ZMYND11: variants seen among roughly 807,000 people sequenced by gnomAD.
ZMYND11 encodes zinc finger MYND domain-containing protein 11.
Under a neutral mutation model 84.9 loss-of-function variants are expected in ZMYND11, and 9 were observed. That is an observed-to-expected ratio of 0.11 (90% CI 0.06 to 0.18). The LOEUF is 0.18. Among genes scored for constraint, ZMYND11 ranks in the 10% least tolerant of loss-of-function variants. ZMYND11 has a pLI of 1.00. For missense variants in ZMYND11, 409 were observed against 761.0 expected, an observed-to-expected ratio of 0.54 and a Z score of 5.44; for synonymous variants, 250 against 244.1, an observed-to-expected ratio of 1.02 and a Z score of -0.23.
At chr10:209,048 TATAGAG>T (rs1260292500) in intron 2 of ZMYND11, among the ~76,000 whole-genome samples, 1 of 151,750 alleles carries the variant, frequency 6.6e-6, no homozygotes, top group African/African-American at 2.4e-5. Flanking sequence ...TATATATATA[TATAGAG>T]AGAGAGAGAG....
chr10:245,101 CA>C lies in ZMYND11; in HGVS notation c.951-1663del, dbSNP rs537733331. On this transcript the variant is annotated intron_variant, in intron 10 of 14. Transcript: ENST00000381604. ...AATCTAATGGCAAGAAACTATTCCA[CA>C]AGCATGATTTCATGTGTACTCTGCA... 7.2e-4 allele frequency among the ~76,000 whole-genome samples: 109 copies of C among 152,296 alleles called. 1 individual carries two copies. Among genetic ancestry groups the C allele is most frequent in the African/African-American group, 2.5e-3 (102 of 41,570 alleles).
At chr10:185,326 C>G (rs1302109315) in intron 2 of ZMYND11, among the ~76,000 whole-genome samples, 3 of 151,940 alleles carry the variant, frequency 2.0e-5, no homozygotes, top group Admixed American at 2.0e-4. Flanking sequence ...TTTTGGGATA[C>G]ATAGGAGTTC....
chr10:138,190 AC>A (rs1288390285), intron 1 of ZMYND11, among the ~76,000 whole-genome samples: 1 of 140,812 alleles, frequency 7.1e-6, no homozygotes, highest in Non-Finnish European at 1.5e-5. Context: ...GCTTACTGCA[AC>A]CCCTGCCTCC....
chr10:181,241 C>T lies in ZMYND11; in HGVS notation c.116+1113C>T, dbSNP rs185890804. On this transcript the variant is annotated intron_variant, in intron 2 of 14. Coordinates refer to ENST00000381604, the MANE Select transcript of ZMYND11 (RefSeq NM_001370100.5). ...TTTACAAAACTCACTTAAATAAATG[C>T]TTTTTTTGGCCTTTATTAATAAGTA... 2.2e-3 allele frequency among the ~76,000 whole-genome samples: 337 copies of T among 152,186 alleles called. 1 individual carries two copies. The highest frequency in any genetic ancestry group is 3.6e-3 in the Non-Finnish European group (248 of 68,002).
chr10:244,715 T>G (rs1320243054), intron 10 of ZMYND11: 1 of 152,256 alleles, frequency 6.6e-6, no homozygotes, highest in African/African-American at 2.4e-5. Flanking sequence ...ATTAGACTAT[T>G]CCTCTTGTTA....
intron 1 of ZMYND11, among the ~76,000 whole-genome samples, chr10:145,486 G>C (rs569715454): frequency 1.3e-5 from 2 of 152,220 alleles, no homozygotes; most frequent in South Asian, 4.1e-4. Context: ...GTTTTCTGTA[G>C]AGGTTGTACT....
chr10:199,768 T>G (rs893945127), intron 2 of ZMYND11, among the ~76,000 whole-genome samples: 1 of 152,220 alleles, frequency 6.6e-6, no homozygotes, highest in African/African-American at 2.4e-5. Flanking sequence ...TTTTATTAAC[T>G]GCATAGTATT....
At position 140,793 on chromosome 10, in the gene ZMYND11, A is replaced by G. The variant is rs1006160622; in HGVS notation, c.-20+5234A>G. 2.0e-5 allele frequency among the ~76,000 whole-genome samples: 3 copies of G among 152,234 alleles called. 1 individual carries two copies. In the South Asian group the frequency reaches 6.2e-4, roughly 31 times the overall value. ...TGCACATACTTAAGCTATTCACACT[A>G]TTAGGTAATTGTGAAGTTACAGTTG... On this transcript the variant is annotated intron_variant, in intron 1 of 14. Transcript: ENST00000381604.
At chr10:152,801 C>T (rs537842632) in intron 1 of ZMYND11, among the ~76,000 whole-genome samples, 1 of 152,338 alleles carries the variant, frequency 6.6e-6, no homozygotes, top group East Asian at 1.9e-4. Context: ...AAATTGACCA[C>T]ATAGTTGGAA....
chr10:199,275 T>C (rs1942529703), intron 2 of ZMYND11, among the ~76,000 whole-genome samples: 1 of 119,802 alleles, frequency 8.3e-6, no homozygotes, highest in African/African-American at 3.2e-5. Context: ...CCATTCCCCT[T>C]CCCATCCCTC....
intron 2 of ZMYND11, among the ~76,000 whole-genome samples, chr10:188,458 T>C (rs1042767233): frequency 6.6e-6 from 1 of 150,910 alleles, no homozygotes; most frequent in Non-Finnish European, 1.5e-5. Context: ...CCGGGTGTGG[T>C]GGTGTATGCC....
At chr10:139,671 C>G (rs538884260) in intron 1 of ZMYND11, among the ~76,000 whole-genome samples, 1 of 149,712 alleles carries the variant, frequency 6.7e-6, no homozygotes, top group African/African-American at 2.5e-5. Context: ...GTTACTTACA[C>G]GTACACTGTC....
upstream of ZMYND11, among the ~76,000 whole-genome samples, chr10:130,581 G>A (rs369202341): frequency 2.6e-5 from 4 of 152,038 alleles, no homozygotes; most frequent in African/African-American, 7.3e-5. Context: ...CTATGAAATC[G>A]TATATTATTC....
rs1377324944 is a variant in ZMYND11, at chr10:199,467, C to T, written c.117-10422C>T. On this transcript the variant is annotated intron_variant, in intron 2 of 14. Coordinates refer to ENST00000381604, the MANE Select transcript of ZMYND11 (RefSeq NM_001370100.5). ...TTGTTGTTTTTCTTGGAGACAGTGT[C>T]GCCTAGGCAGAAATGCAGTGGTGCA... 2.6e-4 allele frequency among the ~76,000 whole-genome samples: 40 copies of T among 152,080 alleles called. 1 individual carries two copies. Among genetic ancestry groups the T allele is most frequent in the Admixed American group, 2.6e-3 (39 of 15,266 alleles).
chr10:199,204 A>C (rs902164044), intron 2 of ZMYND11, among the ~76,000 whole-genome samples: 4 of 151,888 alleles, frequency 2.6e-5, no homozygotes, highest in African/African-American at 9.7e-5. Context: ...ACAACCCAAT[A>C]AATTATTATT....
In ZMYND11 at chr10:173,729, A is replaced by AT. The variant is rs369854415; in HGVS notation, c.-19-6258dup. 2.5e-4 allele frequency among the ~76,000 whole-genome samples: 38 copies of AT among 151,978 alleles called. No individual in the cohort carries two copies. In the South Asian group the frequency reaches 6.9e-3, roughly 27 times the overall value. The stretch of plus-strand genomic sequence containing the variant: ...CTGTTTCAAAAATACTAAAAAAAAA[A>AT]TTTTTTTAAGGGCAAAAGACCTGGC... On this transcript the variant is annotated intron_variant, in intron 1 of 14. Coordinates refer to ENST00000381604, the MANE Select transcript of ZMYND11 (RefSeq NM_001370100.5).
At chr10:224,012 T>C (rs560117136) in intron 4 of ZMYND11, among the ~76,000 whole-genome samples, 2 of 152,246 alleles carry the variant, frequency 1.3e-5, no homozygotes, top group East Asian at 3.9e-4. Flanking sequence ...ATGATGAAGA[T>C]AAGGTGCCAT....
intron 7 of ZMYND11, 138 bp downstream of exon 7, chr10:239,663 A>G (rs939199508): frequency 5.7e-6 from 4 of 700,676 alleles, no homozygotes; most frequent in Non-Finnish European, 9.3e-6. Context: ...TAAGGTTAGG[A>G]ATATCTGGTG....
chr10:212,332 A>G (rs1360380642), intron 3 of ZMYND11, among the ~76,000 whole-genome samples: 4 of 152,128 alleles, frequency 2.6e-5, no homozygotes, highest in Non-Finnish European at 5.9e-5. Context: ...ATGAAATATT[A>G]TATGTAAACC....
Sources: allele counts gnomAD v4.1 joint callset (sites outside exome capture counted in the v4.1 genomes callset), GRCh38; gene constraint gnomAD v4.1.1; transcripts MANE v1.5; gene names NCBI Gene and HGNC (gene_info 2026-07-23, HGNC 2026-07-21).